Variants in NRXN3 observed in about 807,000 individuals in gnomAD.
The protein encoded by NRXN3 is neurexin 3, also known as neurexin III.
NRXN3 carries 32 observed loss-of-function variants against 137.6 expected under a neutral mutation model. The observed-to-expected ratio is 0.23, with a 90% CI of 0.18 to 0.31. The LOEUF is 0.31. NRXN3 is among the 10% of genes least tolerant of loss of function. The pLI is 1.00. For synonymous variants in NRXN3, 798 were observed against 784.5 expected, an observed-to-expected ratio of 1.02 and a Z score of -0.29; for missense variants, 1,574 against 2,062.5, an observed-to-expected ratio of 0.76 and a Z score of 4.59.
At chr14:78,538,567 A>G (rs1440351228) in intron 4 of NRXN3, among the ~76,000 whole-genome samples, 1 of 152,190 alleles carries the variant, frequency 6.6e-6, no homozygotes, top group African/African-American at 2.4e-5. Context: ...AAATGGAGAC[A>G]ATTTGACTTC....
rs114343744 is a variant in NRXN3, at chr14:79,690,474, G to A, written c.3617-1699G>A. ...AATTTTAAATTATCCACTGCAGTTC[G>A]AAACTGTTAATTGTTCCTATTGCAT... On this transcript the variant is annotated intron_variant, in intron 17 of 20. Transcript: ENST00000335750. Among the ~76,000 whole-genome samples the A allele has an allele frequency of 8.2e-3, 1,252 of 152,022 alleles. 11 individuals carry two copies. The highest frequency in any genetic ancestry group is 0.025 in the African/African-American group (1,044 of 41,478).
At chr14:79,495,885 T>A (rs2096761101) in intron 16 of NRXN3, among the ~76,000 whole-genome samples, 1 of 151,576 alleles carries the variant, frequency 6.6e-6, no homozygotes, top group African/African-American at 2.4e-5. Flanking sequence ...AACCCAGTGA[T>A]CAAAGTCGAT....
At chr14:78,398,407 G>C (rs2091727751) in intron 4 of NRXN3, among the ~76,000 whole-genome samples, 1 of 151,968 alleles carries the variant, frequency 6.6e-6, no homozygotes, top group Non-Finnish European at 1.5e-5. Flanking sequence ...TGTTTTACTT[G>C]GCTTTGTCTG....
chr14:79,854,988 A>T (rs1429675209), intron 20 of NRXN3, among the ~76,000 whole-genome samples: 1 of 152,176 alleles, frequency 6.6e-6, no homozygotes, highest in African/African-American at 2.4e-5. Context: ...AAAAACACAG[A>T]CACACACAGA....
chr14:78,278,965 T>C (rs2074010513), intron 3 of NRXN3, among the ~76,000 whole-genome samples: 1 of 152,234 alleles, frequency 6.6e-6, no homozygotes, highest in Non-Finnish European at 1.5e-5. Context: ...TTCTTAGATA[T>C]GTATTCTCCA....
chr14:78,292,504 A>G (rs2075904566), intron 3 of NRXN3, among the ~76,000 whole-genome samples: 2 of 152,350 alleles, frequency 1.3e-5, no homozygotes, highest in South Asian at 4.1e-4. Flanking sequence ...TGGAAGGGTC[A>G]AAAGTATCAG....
chr14:79,120,627 A>G (rs1434247050), intron 15 of NRXN3, among the ~76,000 whole-genome samples: 1 of 152,132 alleles, frequency 6.6e-6, no homozygotes, highest in African/African-American at 2.4e-5. Flanking sequence ...GCCTGAAAGT[A>G]TCTACTCTAA....
chr14:79,483,109 C>A (rs1600959057), intron 16 of NRXN3, among the ~76,000 whole-genome samples: 1 of 152,192 alleles, frequency 6.6e-6, no homozygotes, highest in South Asian at 2.1e-4. Flanking sequence ...TATTTTGTTT[C>A]TCTAAATCTC....
At chr14:78,228,142 C>G (rs1254486019) in intron 1 of NRXN3, among the ~76,000 whole-genome samples, 1 of 150,430 alleles carries the variant, frequency 6.6e-6, no homozygotes, top group Admixed American at 6.6e-5. Context: ...TGGGAGAAAT[C>G]GCTGAATTTT....
chr14:79,004,226 GCA>G (rs2099547522), intron 15 of NRXN3, among the ~76,000 whole-genome samples: 2 of 152,068 alleles, frequency 1.3e-5, no homozygotes, highest in African/African-American at 4.8e-5. Flanking sequence ...CTGAGCCTTT[GCA>G]TGGTGTTCAT....
At chr14:79,329,020 G>T (rs2091303423) in intron 15 of NRXN3, among the ~76,000 whole-genome samples, 1 of 151,982 alleles carries the variant, frequency 6.6e-6, no homozygotes, top group African/African-American at 2.4e-5. Flanking sequence ...AGTAAGAAAG[G>T]CTATAATTAG....
intron 4 of NRXN3, among the ~76,000 whole-genome samples, chr14:78,427,561 G>A (rs1178748188): frequency 1.3e-5 from 2 of 152,220 alleles, no homozygotes; most frequent in African/African-American, 2.4e-5. Context: ...GGAGCCTTCC[G>A]AAGGAGGAGA....
At chr14:79,381,414 A>C (rs1044864360) in intron 15 of NRXN3, among the ~76,000 whole-genome samples, 1 of 152,028 alleles carries the variant, frequency 6.6e-6, no homozygotes, top group African/African-American at 2.4e-5. Context: ...AAGTTCTTGA[A>C]TTCTCCATTA....
At chr14:79,324,739 G>A (rs1372974357) in intron 15 of NRXN3, among the ~76,000 whole-genome samples, 1 of 152,148 alleles carries the variant, frequency 6.6e-6, no homozygotes, top group Non-Finnish European at 1.5e-5. Context: ...CGTCTGTGGA[G>A]TTATAAATAG....
intron 15 of NRXN3, among the ~76,000 whole-genome samples, chr14:79,256,897 G>A (rs1568814546): frequency 6.6e-6 from 1 of 152,186 alleles, no homozygotes; most frequent in Non-Finnish European, 1.5e-5. Flanking sequence ...ATGTGTGTGT[G>A]CATGCATACA....
chr14:78,630,599 T>TTC (rs1426389381), intron 4 of NRXN3, among the ~76,000 whole-genome samples: 11 of 144,610 alleles, frequency 7.6e-5, no homozygotes, highest in African/African-American at 2.3e-4. Context: ...CTTTCTTTCT[T>TTC]TTTTTTTTTT....
At chr14:79,125,607 C>T (rs1161063125) in intron 15 of NRXN3, among the ~76,000 whole-genome samples, 2 of 152,116 alleles carry the variant, frequency 1.3e-5, no homozygotes, top group African/African-American at 4.8e-5. Context: ...TCTTAAATAG[C>T]CCTCGAATAT....
At chr14:79,318,804 A>G (rs1210146323) in intron 15 of NRXN3, among the ~76,000 whole-genome samples, 1 of 152,200 alleles carries the variant, frequency 6.6e-6, no homozygotes, top group Admixed American at 6.5e-5. Flanking sequence ...ATTATTCACC[A>G]GGGAACATTT....
At chr14:78,349,254 A>G (rs2083158430) in intron 4 of NRXN3, among the ~76,000 whole-genome samples, 1 of 152,226 alleles carries the variant, frequency 6.6e-6, no homozygotes. Flanking sequence ...TGCAGGGGCA[A>G]GACTGGGGCT....
Sources: gnomAD v4.1 joint callset for allele counts (sites outside exome capture counted in the v4.1 genomes callset) on GRCh38, gnomAD v4.1.1 for gene constraint, MANE v1.5 for transcripts, NCBI Gene and HGNC (gene_info 2026-07-23, HGNC 2026-07-21) for gene names.